The following APBB2 variants were observed in gnomAD, a reference collection of about 807,000 sequenced individuals.
APBB2 encodes the protein amyloid beta precursor protein binding family B member 2.
APBB2 carries 38 observed loss-of-function variants against 82.5 expected under a neutral mutation model. That is an observed-to-expected ratio of 0.46 (90% confidence interval 0.36 to 0.60). APBB2 has a LOEUF of 0.60. Among genes scored for constraint, APBB2 ranks in the 20% least tolerant of loss-of-function variants. APBB2 has a pLI of 0.00. For synonymous variants in APBB2, 341 were observed against 368.2 expected, an observed-to-expected ratio of 0.93 and a Z score of 0.85; for missense variants, 772 against 972.3, an observed-to-expected ratio of 0.79 and a Z score of 2.74.
At chr4:40,909,623 G>A (rs998750701) in intron 10 of APBB2, among the ~76,000 whole-genome samples, 3 of 152,272 alleles carry the variant, frequency 2.0e-5, no homozygotes, top group East Asian at 1.9e-4. Flanking sequence ...ACCGAGAGAC[G>A]TAGCACAATG....
At chr4:40,830,911 A>G (rs1473072838) in intron 12 of APBB2, among the ~76,000 whole-genome samples, 2 of 152,144 alleles carry the variant, frequency 1.3e-5, no homozygotes, top group African/African-American at 4.8e-5. Context: ...CCACTATCAA[A>G]AAAAACCAAA....
intron 1 of APBB2, among the ~76,000 whole-genome samples, chr4:41,172,042 G>A (rs1316412692): frequency 2.0e-5 from 3 of 152,206 alleles, no homozygotes; most frequent in East Asian, 3.8e-4. Flanking sequence ...GGAGGTTGTA[G>A]TAAGCCAAGA....
intron 12 of APBB2, among the ~76,000 whole-genome samples, chr4:40,866,749 G>A (rs532048843): frequency 2.6e-5 from 4 of 151,942 alleles, no homozygotes; most frequent in East Asian, 1.9e-4. Context: ...ACAGAGTCTC[G>A]CTCTGTCACC....
intron 4 of APBB2, among the ~76,000 whole-genome samples, chr4:41,056,119 G>A (rs1182905055): frequency 6.6e-6 from 1 of 152,178 alleles, no homozygotes; most frequent in East Asian, 1.9e-4. Flanking sequence ...AGCGGAAGTT[G>A]CAGTGAGCCG....
intron 5 of APBB2, among the ~76,000 whole-genome samples, chr4:41,019,929 A>G (rs1412246296): frequency 6.6e-6 from 1 of 151,844 alleles, no homozygotes; most frequent in Admixed American, 6.6e-5. Context: ...GGAGACAGAG[A>G]GAGGAAGAGA....
chr4:40,954,674 T>A (rs1479508110), intron 6 of APBB2, among the ~76,000 whole-genome samples: 1 of 152,200 alleles, frequency 6.6e-6, no homozygotes, highest in Non-Finnish European at 1.5e-5. Flanking sequence ...CATTCTTTTC[T>A]CTTTTTTGAG....
intron 6 of APBB2, among the ~76,000 whole-genome samples, chr4:41,010,908 T>TGCA (rs1444398187): frequency 6.6e-6 from 1 of 152,200 alleles, no homozygotes; most frequent in Non-Finnish European, 1.5e-5. Context: ...GTACCCATAA[T>TGCA]GCAGCTTTAA....
chr4:40,841,325 C>A (rs1190519315), intron 12 of APBB2, among the ~76,000 whole-genome samples: 1 of 152,172 alleles, frequency 6.6e-6, no homozygotes, highest in Non-Finnish European at 1.5e-5. Context: ...GCAGGAACCA[C>A]CATCATTCAT....
chr4:41,094,840 T>C (rs947513825), intron 3 of APBB2, among the ~76,000 whole-genome samples: 1 of 152,112 alleles, frequency 6.6e-6, no homozygotes, highest in Non-Finnish European at 1.5e-5. Flanking sequence ...GCTGGGATTA[T>C]AGGGATGAGC....
intron 12 of APBB2, among the ~76,000 whole-genome samples, chr4:40,863,226 T>C (rs1201474274): frequency 6.6e-6 from 1 of 152,190 alleles, no homozygotes; most frequent in African/African-American, 2.4e-5. Context: ...CAAAGTGGCA[T>C]GCATCTATAC....
chr4:40,973,599 A>G (rs934209187), intron 6 of APBB2, among the ~76,000 whole-genome samples: 3 of 152,216 alleles, frequency 2.0e-5, no homozygotes, highest in Non-Finnish European at 2.9e-5. Context: ...TGAGTGGTTT[A>G]AAACAACAGA....
intron 3 of APBB2, among the ~76,000 whole-genome samples, chr4:41,078,168 C>A (rs1480945648): frequency 6.6e-6 from 1 of 152,020 alleles, no homozygotes; most frequent in African/African-American, 2.4e-5. Context: ...ATAAACCCCT[C>A]TCTTCCTCAA....
intron 10 of APBB2, among the ~76,000 whole-genome samples, chr4:40,917,149 T>C (rs1370638153): frequency 6.6e-6 from 1 of 152,202 alleles, no homozygotes; most frequent in Non-Finnish European, 1.5e-5. Context: ...TCTAGTGATT[T>C]GAGGCCCTGC....
chr4:40,877,025 C>G (rs1366541935), intron 12 of APBB2, among the ~76,000 whole-genome samples: 1 of 152,242 alleles, frequency 6.6e-6, no homozygotes, highest in African/African-American at 2.4e-5. Flanking sequence ...CCCACAGGAG[C>G]AGGGTCGGGG....
At chr4:41,021,256 G>A (rs1169887093) in intron 5 of APBB2, among the ~76,000 whole-genome samples, 1 of 152,154 alleles carries the variant, frequency 6.6e-6, no homozygotes. Context: ...ACAACTGCAC[G>A]GCCCGGTCTT....
chr4:40,817,650 CA>C (rs1193695865), intron 17 of APBB2, among the ~76,000 whole-genome samples: 1 of 151,980 alleles, frequency 6.6e-6, no homozygotes, highest in Non-Finnish European at 1.5e-5. Context: ...CCACGTATAC[CA>C]AGGAAGGACT....
At chr4:41,082,138 A>T (rs880821) in intron 3 of APBB2, among the ~76,000 whole-genome samples, 63,207 of 152,030 alleles carry the variant, frequency 0.42, 13,567 homozygotes, top group Non-Finnish European at 0.47. Flanking sequence ...ATAGGTCAGG[A>T]GGGGCCATTT....
intron 3 of APBB2, among the ~76,000 whole-genome samples, chr4:41,091,755 GCTC>G (rs1741795756): frequency 6.6e-6 from 1 of 152,034 alleles, no homozygotes; most frequent in Non-Finnish European, 1.5e-5. Flanking sequence ...CTTAATCCCA[GCTC>G]CTCAAGATCT....
chr4:41,048,659 C>T (rs1327657423), intron 4 of APBB2, among the ~76,000 whole-genome samples: 1 of 147,290 alleles, frequency 6.8e-6, no homozygotes, highest in Non-Finnish European at 1.5e-5. Context: ...CCCCCTCCCT[C>T]TCCCTCCCGT....
Sources: allele counts gnomAD v4.1 joint callset (sites outside exome capture counted in the v4.1 genomes callset), GRCh38; gene constraint gnomAD v4.1.1; transcripts MANE v1.5; gene names NCBI Gene and HGNC (gene_info 2026-07-23, HGNC 2026-07-21).